The following TKT variants were observed in gnomAD, a reference collection of about 807,000 sequenced individuals.
The protein encoded by TKT is transketolase.
A neutral mutation model predicts 63.9 loss-of-function variants in TKT; 47 were observed. The observed-to-expected ratio is 0.74, with a 90% CI of 0.58 to 0.94. The LOEUF (loss-of-function observed/expected upper bound fraction) is 0.94, where lower values mean the gene tolerates loss of function less well. Among genes scored for constraint, TKT ranks in the 40% least tolerant of loss-of-function variants. TKT has a pLI of 0.00. For missense variants in TKT, 721 were observed against 846.2 expected (o/e 0.85, Z 1.84); for synonymous variants, 338 against 334.1 (o/e 1.01, Z -0.13).
chr3:53,226,377 G>C, intron 13 of TKT: 2 of 275,692 alleles, frequency 7.3e-6, no homozygotes, highest in South Asian at 9.2e-5. Flanking sequence ...TAGAGAGGCT[G>C]GTGTGTACTT....
In TKT at chr3:53,228,304, T is replaced by C. The variant is rs1165534124; in HGVS notation, c.1451A>G (p.Asn484Ser). Reference protein sequence around the residue: ...RPENAIIYNNNEDFQVGQAKV... With the variant: ...RPENAIIYNNSEDFQVGQAKV... ...GGCTTGTCCGACCTGGAAGTCCTCA[T>C]TGTTGTTATAGATGATGGCATTTTC... The change falls in exon 11 of 14, where the codon AAT becomes AGT. Residue 484 changes from asparagine to serine, a missense_variant. By Grantham distance (46) the Asn-to-Ser change is conservative. Coordinates refer to ENST00000462138, the MANE Select transcript of TKT (RefSeq NM_001064.4). 3 of 1,614,142 alleles carry C rather than the reference T, an allele frequency of 1.9e-6. No individual in the cohort carries two copies. Among genetic ancestry groups the C allele is most frequent in the South Asian group, 2.2e-5 (2 of 91,078 alleles).
chr3:53,232,731 C>CCACT (rs1704824619), intron 6 of TKT: 1 of 399,928 alleles, frequency 2.5e-6, no homozygotes, highest in Non-Finnish European at 4.4e-6. Flanking sequence ...GAGGAGTACC[C>CCACT]CACTCACCTC....
chr3:53,253,658 G>A (rs1705856050), intron 1 of TKT, among the ~76,000 whole-genome samples: 1 of 152,222 alleles, frequency 6.6e-6, no homozygotes, highest in African/African-American at 2.4e-5. Context: ...CAGCTACTCA[G>A]GAGGCTAGGG....
intron 5 of TKT, 155 bp downstream of exon 5, chr3:53,234,828 T>C: frequency 1.4e-6 from 1 of 730,744 alleles, no homozygotes; most frequent in Non-Finnish European, 2.1e-6. Context: ...TCCAAATGCC[T>C]AGAGTTTGAA....
In TKT at chr3:53,225,701, C is replaced by A; in HGVS notation, c.*55G>T. On this transcript the variant is annotated 3_prime_UTR_variant, in exon 14 of 14. Transcript: ENST00000462138. Reference sequence around the variant, plus strand: ...CCTCCTCTCAGTACATCTTTGAGCACCTTTCCCAGAATCTCAGGAATGTAT... The same window carrying A: ...CCTCCTCTCAGTACATCTTTGAGCAACTTTCCCAGAATCTCAGGAATGTAT... The A allele has an allele frequency of 6.6e-7, 1 of 1,515,966 alleles. No homozygotes were observed. The highest frequency in any genetic ancestry group is 8.9e-7 in the Non-Finnish European group (1 of 1,120,884). The allele number at this position is 1,515,966 out of a possible 1,614,324, so 93.9% of individuals were successfully genotyped here. A position where few individuals can be genotyped will look rare whatever the true frequency, so the allele number is the denominator to read the frequency against.
At chr3:53,244,000 G>A (rs1235710496) in intron 1 of TKT, among the ~76,000 whole-genome samples, 1 of 151,372 alleles carries the variant, frequency 6.6e-6, no homozygotes, top group Non-Finnish European at 1.5e-5. Context: ...GGGTTCCAGG[G>A]AGAAATGGTG....
rs1553678168 is a variant in TKT at position 53,235,000 on chromosome 3, C to T, written c.612G>A (p.Lys204=). 6.2e-7 allele frequency: 1 copy of T among 1,613,554 alleles called. No individual in the cohort carries two copies. The highest frequency in any genetic ancestry group is 1.7e-5 in the Admixed American group (1 of 59,988). ...PLQHQMDIYQ[K]RCEAFGWHAI... is the part of the protein sequence containing the mutation. ...GTACATACCCGAAGGCCTCGCACCG[C>T]TTCTGGTAGATGTCCATCTGGTGCT... is the stretch of plus-strand genomic sequence containing the variant. The change falls in exon 5 of 14, where the codon AAG becomes AAA. Residue 204 remains lysine (K), a synonymous_variant. Coordinates refer to ENST00000462138, the MANE Select transcript of TKT (RefSeq NM_001064.4).
chr3:53,253,673 AG>A (rs1322282659), intron 1 of TKT, among the ~76,000 whole-genome samples: 3 of 152,200 alleles, frequency 2.0e-5, no homozygotes, highest in African/African-American at 7.2e-5. Flanking sequence ...CTAGGGCAGG[AG>A]AATCAGTTGA....
In TKT at chr3:53,255,907, C is replaced by T; in HGVS notation, c.36G>A (p.Leu12=). 1.3e-6 allele frequency: 2 copies of T among 1,547,046 alleles called. No individual in the cohort carries two copies. Among genetic ancestry groups the T allele is most frequent in the Non-Finnish European group, 1.7e-6 (2 of 1,146,754 alleles). Residue 12 remains leucine (L), a synonymous_variant, in exon 1 of 14, where the codon CTG becomes CTA. Coordinates refer to ENST00000462138, the MANE Select transcript of TKT (RefSeq NM_001064.4). ...GGTTGGCCGTGTCCTTCAAGGCCTG[C>T]AGCTTCTGCTGGTCAGGCTTGTGGT... is the stretch of plus-strand genomic sequence containing the variant. ...ESYHKPDQQK[L]QALKDTANRL...
chr3:53,249,937 C>A (rs566353232), intron 1 of TKT, among the ~76,000 whole-genome samples: 20 of 152,322 alleles, frequency 1.3e-4, no homozygotes, highest in African/African-American at 4.1e-4. Flanking sequence ...AAGCCTGCCA[C>A]AAGAGACAAT....
intron 8 of TKT, among the ~76,000 whole-genome samples, chr3:53,230,069 G>T (rs6793684): frequency 0.17 from 26,621 of 152,210 alleles, 2,444 homozygotes; most frequent in South Asian, 0.29. Flanking sequence ...AGGGTGGCAG[G>T]GCCCAGAGCC....
At chr3:53,244,923 C>T (rs1705442176) in intron 1 of TKT, among the ~76,000 whole-genome samples, 2 of 151,558 alleles carry the variant, frequency 1.3e-5, no homozygotes, top group Non-Finnish European at 2.9e-5. Context: ...CCTGCCTTGA[C>T]CAAAACAGTC....
chr3:53,244,247 G>C (rs1259727340), intron 1 of TKT, among the ~76,000 whole-genome samples: 1 of 152,182 alleles, frequency 6.6e-6, no homozygotes, highest in African/African-American at 2.4e-5. Context: ...GAACGCTTAG[G>C]AGCCAGGTGT....
rs1553682179 is a variant in TKT, at chr3:53,255,772, C to G, written c.107+64G>C. On this transcript the variant is annotated intron_variant, in intron 1 of 13. Transcript: ENST00000462138. ...GCGCGACCCAGAGCCCGCGGCGACT[C>G]TGGCCGCCGCAGACGCCCCCCGCCC... 3 of 1,155,306 alleles carry G rather than the reference C, an allele frequency of 2.6e-6. No individual in the cohort carries two copies. The East Asian group carries it at 1.0e-4, about 39-fold the overall frequency. 71.6% of individuals were successfully genotyped at this position (1,155,306 alleles called of 1,614,324 possible).
At chr3:53,238,609 G>C (rs1349489591) in intron 4 of TKT, among the ~76,000 whole-genome samples, 1 of 152,226 alleles carries the variant, frequency 6.6e-6, no homozygotes, top group Non-Finnish European at 1.5e-5. Flanking sequence ...GATGCCATCA[G>C]CTGCAGAACT....
chr3:53,250,861 A>G (rs1705714463), intron 1 of TKT, among the ~76,000 whole-genome samples: 1 of 152,114 alleles, frequency 6.6e-6, no homozygotes, highest in African/African-American at 2.4e-5. Flanking sequence ...AACTCACTGC[A>G]GCCTTGAACT....
rs781893789 is a variant in TKT at position 53,233,283 on chromosome 3, AG to A, written c.630-10del. The A allele has an allele frequency of 1.2e-6, 2 of 1,605,242 alleles. No individual in the cohort carries two copies. Among genetic ancestry groups the A allele is most frequent in the African/African-American group, 1.3e-5 (1 of 74,838 alleles). ...CGATGATGGCATGCCAACTGGGGAC[AG>A]GGGGCAGAGAGTAAGGGGCAATTCC... On this transcript the variant is annotated splice_polypyrimidine_tract_variant and intron_variant, in intron 5 of 13. Coordinates refer to ENST00000462138, the MANE Select transcript of TKT (RefSeq NM_001064.4).
At chr3:53,238,298 T>C (rs3773747) in intron 4 of TKT, among the ~76,000 whole-genome samples, 86,660 of 152,180 alleles carry the variant, frequency 0.57, 24,993 homozygotes, top group African/African-American at 0.6. Flanking sequence ...CCAAATAAAA[T>C]GCTCTTAAAC....
chr3:53,228,392 G>A, intron 10 of TKT, 33 bp from the exon 11 acceptor site: 2 of 1,610,544 alleles, frequency 1.2e-6, no homozygotes, highest in South Asian at 2.2e-5. Context: ...GAGGATACAG[G>A]ATGTGGCACA....
Sources: gnomAD v4.1 joint callset for allele counts (sites outside exome capture counted in the v4.1 genomes callset) on GRCh38, gnomAD v4.1.1 for gene constraint, MANE v1.5 for transcripts, NCBI Gene and HGNC (gene_info 2026-07-23, HGNC 2026-07-21) for gene names.